SLIT2: variants seen among roughly 807,000 people sequenced by gnomAD.
SLIT2 encodes the protein slit homolog 2 protein.
Under a neutral mutation model 185.7 loss-of-function variants are expected in SLIT2, and 41 were observed. The ratio of observed to expected loss-of-function variants is 0.22; its 90% CI spans 0.17 to 0.29. SLIT2 has a LOEUF of 0.29. SLIT2 is among the 10% of genes least tolerant of loss of function. The pLI, the probability that SLIT2 is intolerant of heterozygous loss-of-function variation, is 1.00. For missense variants in SLIT2, 1,571 were observed against 1,909.0 expected (o/e 0.82, Z 3.30); for synonymous variants, 693 against 680.2 (o/e 1.02, Z -0.29).
At chr4:20,277,236 G>C (rs1714255598) in intron 4 of SLIT2, among the ~76,000 whole-genome samples, 1 of 152,080 alleles carries the variant, frequency 6.6e-6, no homozygotes, top group Admixed American at 6.6e-5. Flanking sequence ...ATTCTTAGCA[G>C]CTTTTATTGT....
intron 4 of SLIT2, among the ~76,000 whole-genome samples, chr4:20,412,437 A>G (rs1727331456): frequency 6.6e-6 from 1 of 152,116 alleles, no homozygotes; most frequent in Admixed American, 6.5e-5. Flanking sequence ...TGCATATTTT[A>G]TTTTTATCCT....
chr4:20,547,640 G>GA (rs1358315104), intron 22 of SLIT2, among the ~76,000 whole-genome samples: 12 of 150,828 alleles, frequency 8.0e-5, no homozygotes, highest in East Asian at 3.9e-4. Flanking sequence ...TTTTGCTTCA[G>GA]AAAAAAATTA....
chr4:20,435,743 A>G (rs1212832815), intron 4 of SLIT2, among the ~76,000 whole-genome samples: 1 of 152,228 alleles, frequency 6.6e-6, no homozygotes, highest in Non-Finnish European at 1.5e-5. Context: ...AGATCAGAGC[A>G]TTCCAAATGA....
At chr4:20,319,519 A>G (rs1210332776) in intron 4 of SLIT2, among the ~76,000 whole-genome samples, 1 of 152,170 alleles carries the variant, frequency 6.6e-6, no homozygotes, top group African/African-American at 2.4e-5. Flanking sequence ...TTTGAAAAAA[A>G]TGGCAGTGTA....
chr4:20,569,707 A>G (rs780006887), intron 29 of SLIT2, among the ~76,000 whole-genome samples: 2 of 152,016 alleles, frequency 1.3e-5, no homozygotes, highest in Non-Finnish European at 2.9e-5. Context: ...TTTTCCTTTA[A>G]TAAATTACTT....
At chr4:20,397,967 C>T (rs897025986) in intron 4 of SLIT2, among the ~76,000 whole-genome samples, 8 of 151,786 alleles carry the variant, frequency 5.3e-5, no homozygotes, top group Non-Finnish European at 1.0e-4. Context: ...TCATTTCAGT[C>T]TCCAGGAAAA....
chr4:20,289,966 A>C (rs1039841698), intron 4 of SLIT2, among the ~76,000 whole-genome samples: 1 of 152,206 alleles, frequency 6.6e-6, no homozygotes, highest in Non-Finnish European at 1.5e-5. Flanking sequence ...CCAGCTGCAC[A>C]GGCATATGCA....
chr4:20,253,805 G>A lies in SLIT2; in HGVS notation c.-11G>A. On this transcript the variant is annotated 5_prime_UTR_variant, in exon 1 of 37. Transcript: ENST00000504154. ...CCCCAGTGCCGGCGAGGAAGGAGGC[G>A]GCGGGGAAAGATGCGCGGCGTTGGC... 1 of 1,597,228 alleles carries A rather than the reference G, an allele frequency of 6.3e-7. No individual in the cohort carries two copies. The highest frequency in any genetic ancestry group is 8.5e-7 in the Non-Finnish European group (1 of 1,178,524).
intron 4 of SLIT2, among the ~76,000 whole-genome samples, chr4:20,459,032 G>T (rs572122994): frequency 6.6e-6 from 1 of 152,110 alleles, no homozygotes; most frequent in Non-Finnish European, 1.5e-5. Flanking sequence ...AGAAGTGCTA[G>T]GATCAAGACA....
intron 4 of SLIT2, among the ~76,000 whole-genome samples, chr4:20,320,252 A>G (rs1424835628): frequency 6.6e-6 from 1 of 152,118 alleles, no homozygotes; most frequent in Admixed American, 6.6e-5. Context: ...CAACATTCTC[A>G]TTCAGTTTCT....
intron 4 of SLIT2, among the ~76,000 whole-genome samples, chr4:20,409,760 A>T (rs888471437): frequency 6.6e-6 from 1 of 152,114 alleles, no homozygotes; most frequent in East Asian, 1.9e-4. Context: ...AATAATAGCT[A>T]TTCTTACTGG....
At chr4:20,255,601 A>T (rs1353847466) in intron 1 of SLIT2, among the ~76,000 whole-genome samples, 7 of 150,262 alleles carry the variant, frequency 4.7e-5, no homozygotes, top group South Asian at 2.2e-4. Flanking sequence ...TTGTCATTTC[A>T]TGCTATTCAG....
rs530905390 is a variant in SLIT2, at chr4:20,620,513, C to T, written c.*1504C>T. The stretch of plus-strand genomic sequence containing the variant: ...GCTTTGTCTTTCTCCAGATTAATAT[C>T]GGTTACACTGCTGATGTTTGTAAAT... On this transcript the variant is annotated 3_prime_UTR_variant, in exon 37 of 37. Coordinates refer to ENST00000504154, the MANE Select transcript of SLIT2 (RefSeq NM_004787.4). The T allele has an allele frequency of 3.5e-4, 146 of 421,316 alleles. 1 individual carries two copies. The highest frequency in any genetic ancestry group is 1.4e-3 in the South Asian group (77 of 56,940). 26.1% of individuals were successfully genotyped at this position (421,316 alleles called of 1,614,324 possible).
chr4:20,318,465 C>T (rs757134667), intron 4 of SLIT2, among the ~76,000 whole-genome samples: 13 of 152,258 alleles, frequency 8.5e-5, no homozygotes, highest in Admixed American at 2.0e-4. Context: ...AACACAAACA[C>T]GGGAAACTAG....
chr4:20,422,240 C>A (rs1480528906), intron 4 of SLIT2, among the ~76,000 whole-genome samples: 3 of 152,048 alleles, frequency 2.0e-5, no homozygotes, highest in African/African-American at 7.2e-5. Context: ...TCTAATCTGT[C>A]TGACTTTTAG....
At chr4:20,493,234 G>A (rs531297) in intron 9 of SLIT2, among the ~76,000 whole-genome samples, 114,557 of 152,044 alleles carry the variant, frequency 0.75, 43,454 homozygotes, top group East Asian at 0.95. Flanking sequence ...TTGAGGCATC[G>A]TGAAATATAA....
intron 4 of SLIT2, among the ~76,000 whole-genome samples, chr4:20,329,512 T>A (rs1411874527): frequency 6.6e-6 from 1 of 152,134 alleles, no homozygotes; most frequent in East Asian, 1.9e-4. Flanking sequence ...TATCTAGAAG[T>A]CTTCACAAAG....
intron 4 of SLIT2, among the ~76,000 whole-genome samples, chr4:20,380,994 C>T (rs1156813713): frequency 6.6e-6 from 1 of 152,128 alleles, no homozygotes; most frequent in East Asian, 1.9e-4. Flanking sequence ...TGGCCCACTC[C>T]TGTAATCCCA....
In SLIT2 at chr4:20,539,587, A is replaced by G. The variant is rs769298553; in HGVS notation, c.1976+3A>G. The G allele has an allele frequency of 5.6e-6, 9 of 1,597,516 alleles. No individual in the cohort carries two copies. The Admixed American group carries it at 8.5e-5, about 15-fold the overall frequency. On this transcript the variant is annotated splice_donor_region_variant and intron_variant, in intron 19 of 36. Transcript: ENST00000504154. ...ACTCTCCATTCTTTATCTACTCTGT[A>G]AGTATGAAAAATAGCCCTTATGTAT...
Sources: gnomAD v4.1 joint callset for allele counts (sites outside exome capture counted in the v4.1 genomes callset) on GRCh38, gnomAD v4.1.1 for gene constraint, MANE v1.5 for transcripts, NCBI Gene and HGNC (gene_info 2026-07-23, HGNC 2026-07-21) for gene names.